Variants in EEF1A1 observed in about 807,000 individuals in gnomAD.
The protein encoded by EEF1A1 is eukaryotic translation elongation factor 1 alpha 1, also known as elongation factor 1-alpha 1.
Under a neutral mutation model 38.5 loss-of-function variants are expected in EEF1A1, and 1 was observed. The observed-to-expected ratio is 0.03, with a 90% CI of 0.01 to 0.12. The LOEUF (loss-of-function observed/expected upper bound fraction) is 0.12. Ranked by LOEUF, EEF1A1 falls within the 10% of genes least tolerant of loss-of-function variation. The pLI is 1.00. For missense variants in EEF1A1, 184 were observed against 588.3 expected, an observed-to-expected ratio of 0.31 and a Z score of 7.11; for synonymous variants, 229 against 203.7, an observed-to-expected ratio of 1.12 and a Z score of -1.06.
At position 73,518,825 on chromosome 6, in the gene EEF1A1, T is replaced by C. The variant is rs1245178513; in HGVS notation, c.645A>G (p.Lys215=). ...TGGCATTGCCATCCTTACGGGTGAC[T>C]TTCCATCCCTTGAACCAAGGCATCT... ...SANMPWFKGW[K]VTRKDGNASG... The change falls in exon 5 of 8, where the codon AAA becomes AAG. Residue 215 remains lysine (K), a synonymous_variant. Coordinates refer to ENST00000309268, the MANE Select transcript of EEF1A1 (RefSeq NM_001402.6). 15 of 1,613,886 alleles carry C rather than the reference T, an allele frequency of 9.3e-6. No homozygotes were observed. The highest frequency in any genetic ancestry group is 1.2e-5 in the Non-Finnish European group (14 of 1,179,890).
intron 2 of EEF1A1, 39 bp from the exon 3 acceptor site, chr6:73,519,555 C>A (rs1472135631): frequency 2.0e-5 from 31 of 1,545,504 alleles, no homozygotes; most frequent in African/African-American, 2.7e-5. Flanking sequence ...TACTAAAACA[C>A]AAACTCCAGC....
At position 73,518,483 on chromosome 6, in the gene EEF1A1, A is replaced by G; in HGVS notation, c.900T>C (p.Ser300=). 6.2e-7 allele frequency: 1 copy of G among 1,613,830 alleles called. No homozygotes were observed. Among genetic ancestry groups the G allele is most frequent in the Non-Finnish European group, 8.5e-7 (1 of 1,179,782 alleles). The change falls in exon 6 of 8, where the codon AGT becomes AGC. Residue 300 remains serine, a synonymous_variant. Coordinates refer to ENST00000309268, the MANE Select transcript of EEF1A1 (RefSeq NM_001402.6). Reference sequence around the variant, plus strand: ...CCACATTGTCCCCAGGAAGAGCTTCACTCAAAGCTTCATGGTGCATTTCGA... The same window carrying G: ...CCACATTGTCCCCAGGAAGAGCTTCGCTCAAAGCTTCATGGTGCATTTCGA... ...KSVEMHHEAL[S]EALPGDNVGF...
At chr6:73,518,895 CCA>C in intron 4 of EEF1A1, 35 bp downstream of exon 4, 1 of 1,610,996 alleles carries the variant, frequency 6.2e-7, no homozygotes, top group Admixed American at 1.7e-5. Flanking sequence ...ATCGCCATTC[CCA>C]GAGCTTTTTA....
In EEF1A1 at chr6:73,518,921, A is replaced by G. The variant is rs1287424196; in HGVS notation, c.621+11T>C. The G allele has an allele frequency of 6.2e-7, 1 of 1,611,662 alleles. No homozygotes were observed. The highest frequency in any genetic ancestry group is 1.3e-5 in the African/African-American group (1 of 74,874). On this transcript the variant is annotated intron_variant, in intron 4 of 7. Coordinates refer to ENST00000309268, the MANE Select transcript of EEF1A1 (RefSeq NM_001402.6). ...CAGAGCTTTTTAACAATGGTCTTGA[A>G]AGCCACTTACGTTAGCACTTGGCTC... is the stretch of plus-strand genomic sequence containing the variant.
intron 2 of EEF1A1, among the ~76,000 whole-genome samples, 167 bp from the exon 3 acceptor site, chr6:73,519,683 G>A (rs1477755414): frequency 6.6e-6 from 1 of 152,132 alleles, no homozygotes; most frequent in African/African-American, 2.4e-5. Flanking sequence ...TTTATAAGTC[G>A]GATCTTAACT....
Position 73,518,395 on chromosome 6 carries a change from T to C in EEF1A1, c.988A>G (p.Lys330Glu). ...VRRGNVAGDS[K>E]NDPPMEAAGF... ...GCTGCTTCCATTGGTGGGTCATTTT[T>C]GCTGTCACCAGCAACGTTGCCACGA... Residue 330 changes from lysine to glutamate, a missense_variant, in exon 6 of 8, where the codon AAA becomes GAA. This residue lies in a region of EEF1A1 where 81 missense variants were observed against 286.3 expected (regional missense o/e 0.28). Coordinates refer to ENST00000309268, the MANE Select transcript of EEF1A1 (RefSeq NM_001402.6). 6.2e-7 allele frequency: 1 copy of C among 1,613,734 alleles called. No homozygotes were observed. Among genetic ancestry groups the C allele is most frequent in the Non-Finnish European group, 8.5e-7 (1 of 1,180,004 alleles).
In EEF1A1 at chr6:73,520,043, A is replaced by G. The variant is rs1561963553; in HGVS notation, c.-17T>C. The G allele has an allele frequency of 1.3e-6, 2 of 1,587,250 alleles. No individual in the cohort carries two copies. The highest frequency in any genetic ancestry group is 1.7e-6 in the Non-Finnish European group (2 of 1,176,448). The stretch of plus-strand genomic sequence containing the variant: ...CTTTCCCATTTTGGCTTTTAGGGGT[A>G]GTTTTCACGACACCTGAAATGGAAG... On this transcript the variant is annotated 5_prime_UTR_variant, in exon 2 of 8. Coordinates refer to ENST00000309268, the MANE Select transcript of EEF1A1 (RefSeq NM_001402.6).
chr6:73,517,571 G>A lies in EEF1A1; in HGVS notation c.*239C>T, dbSNP rs1765551077. On this transcript the variant is annotated 3_prime_UTR_variant, in exon 8 of 8. Transcript: ENST00000309268. ...AATTCTGTGACAAATTTTTGGTCAAGTTGTTTCCATTAAAAAGTACTGATT... is the reference window on the plus strand; with the variant it reads ...AATTCTGTGACAAATTTTTGGTCAAATTGTTTCCATTAAAAAGTACTGATT... 2 of 400,448 alleles carry A rather than the reference G, an allele frequency of 5.0e-6. No individual in the cohort carries two copies. The highest frequency in any genetic ancestry group is 8.9e-6 in the Non-Finnish European group (2 of 225,874). The allele number at this position is 400,448 out of a possible 1,614,324, so 24.8% of individuals were successfully genotyped here.
chr6:73,518,513 T>C lies in EEF1A1; in HGVS notation c.870A>G (p.Lys290=). ...AAGCTTCATGGTGCATTTCGACAGATTTTACTTCCGTTGTAACGTTGACTG... is the reference window on the plus strand; with the variant it reads ...AAGCTTCATGGTGCATTTCGACAGACTTTACTTCCGTTGTAACGTTGACTG... ...FAPVNVTTEV[K]SVEMHHEALS... is the part of the protein sequence containing the mutation. Residue 290 remains lysine (K), a synonymous_variant, in exon 6 of 8, where the codon AAA becomes AAG. Transcript: ENST00000309268. 2 of 1,613,860 alleles carry C rather than the reference T, an allele frequency of 1.2e-6. No homozygotes were observed. Among genetic ancestry groups the C allele is most frequent in the Non-Finnish European group, 1.7e-6 (2 of 1,179,850 alleles).
rs1561963411 is a variant in EEF1A1, at chr6:73,519,778, T to C, written c.144+105A>G. On this transcript the variant is annotated intron_variant, in intron 2 of 7. Coordinates refer to ENST00000309268, the MANE Select transcript of EEF1A1 (RefSeq NM_001402.6). ...ATTTCATAAGTAAGGTCTTAACTAT[T>C]AGCATTCAGATCTAAACCACTCACT... The C allele has an allele frequency of 3.3e-6, 5 of 1,496,346 alleles. No homozygotes were observed. In the African/African-American group the frequency reaches 7.0e-5, roughly 21 times the overall value. 92.7% of individuals were successfully genotyped at this position (1,496,346 alleles called of 1,614,324 possible).
Position 73,518,732 on chromosome 6 carries a change from C to T in EEF1A1, c.738G>A (p.Leu246=), listed in dbSNP as rs1254198548. 2.5e-6 allele frequency: 4 copies of T among 1,614,080 alleles called. No individual in the cohort carries two copies. Among genetic ancestry groups the T allele is most frequent in the Non-Finnish European group, 3.4e-6 (4 of 1,180,042 alleles). ...LPPTRPTDKP[L]RLPLQDVYKI... is the part of the protein sequence containing the mutation. ...TGTAGACATCCTGGAGAGGCAGGCG[C>T]AAGGGCTTGTCAGTTGGACGAGTTG... The change falls in exon 5 of 8, where the codon TTG becomes TTA. Residue 246 remains leucine, a synonymous_variant. Transcript: ENST00000309268.
intron 2 of EEF1A1, 132 bp downstream of exon 2, chr6:73,519,751 T>C (rs2150051955): frequency 7.2e-7 from 1 of 1,396,686 alleles, no homozygotes; most frequent in Non-Finnish European, 9.6e-7. Context: ...AAAAGCAAAA[T>C]TATTTCATAA....
At chr6:73,519,258 C>A in intron 3 of EEF1A1, 30 bp from the exon 4 acceptor site, 2 of 1,606,390 alleles carry the variant, frequency 1.2e-6, no homozygotes, top group South Asian at 1.1e-5. Context: ...ATATCCCTGT[C>A]AACTCTCCAA....
In EEF1A1 at chr6:73,516,005, CATCT is replaced by C. The variant is rs1284912890; in HGVS notation, c.*1801_*1804del. The C allele has an allele frequency of 6.6e-6, 1 of 152,152 alleles. No homozygotes were observed. The highest frequency in any genetic ancestry group is 2.4e-5 in the African/African-American group (1 of 41,412). 9.4% of individuals were successfully genotyped at this position (152,152 alleles called of 1,614,324 possible). A position where few individuals can be genotyped will look rare whatever the true frequency, so the allele number is the denominator to read the frequency against. ...TTTCATTATCAGGGCATCTATTGGC[CATCT>C]ATTAAAGGCCTTACCTGTTTTTTCT... On this transcript the variant is annotated 3_prime_UTR_variant, in exon 8 of 8. Transcript: ENST00000309268.
Position 73,516,967 on chromosome 6 carries a change from T to C in EEF1A1, c.*843A>G, listed in dbSNP as rs901619474. The C allele has an allele frequency of 1.3e-5, 2 of 152,244 alleles. No individual in the cohort carries two copies. The highest frequency in any genetic ancestry group is 4.8e-5 in the African/African-American group (2 of 41,470). 9.4% of individuals were successfully genotyped at this position (152,244 alleles called of 1,614,324 possible). ...TATAGCTACTTCAAATTGCCATCTT[T>C]TTCTATTAGAACCTTGTTCCTATTC... On this transcript the variant is annotated 3_prime_UTR_variant, in exon 8 of 8. Transcript: ENST00000309268.
chr6:73,521,007 C>G lies in EEF1A1; in HGVS notation c.-38G>C, dbSNP rs997736746. On this transcript the variant is annotated 5_prime_UTR_variant, in exon 1 of 8. Transcript: ENST00000309268. ...ACCACACACGGCACTTACCTGTGTTCTGGCGGCAAACCCGTTGCGAAAAAG... is the reference window on the plus strand; with the variant it reads ...ACCACACACGGCACTTACCTGTGTTGTGGCGGCAAACCCGTTGCGAAAAAG... 1.3e-5 allele frequency: 2 copies of G among 153,292 alleles called. No individual in the cohort carries two copies. The highest frequency in any genetic ancestry group is 1.5e-5 in the Non-Finnish European group (1 of 68,574). 9.5% of individuals were successfully genotyped at this position (153,292 alleles called of 1,614,324 possible).
chr6:73,520,746 AAGC>A (rs1346688041), intron 1 of EEF1A1: 1 of 152,314 alleles, frequency 6.6e-6, no homozygotes, highest in Non-Finnish European at 1.5e-5. Context: ...GACTTATCGA[AAGC>A]AGCGAGACAG....
chr6:73,518,932 G>A lies in EEF1A1; in HGVS notation c.621C>T (p.Asn207=), dbSNP rs370295050. The A allele has an allele frequency of 1.9e-5, 31 of 1,612,056 alleles. No individual in the cohort carries two copies. Among genetic ancestry groups the A allele is most frequent in the Admixed American group, 1.2e-4 (7 of 59,962 alleles). ...AACAATGGTCTTGAAAGCCACTTACGTTAGCACTTGGCTCCAGCATGTTGT... is the reference window on the plus strand; with the variant it reads ...AACAATGGTCTTGAAAGCCACTTACATTAGCACTTGGCTCCAGCATGTTGT... ...NGDNMLEPSA[N]MPWFKGWKVT... The change falls in exon 4 of 8, where the codon AAC becomes AAT. Residue 207 remains asparagine, a splice_region_variant and synonymous_variant. Transcript: ENST00000309268.
chr6:73,520,096 C>A, intron 1 of EEF1A1, 40 bp from the exon 2 acceptor site: 1 of 1,537,578 alleles, frequency 6.5e-7, no homozygotes, highest in Non-Finnish European at 8.7e-7. Flanking sequence ...CTGTCTGAGG[C>A]TTGAGAATGA....
Sources: gnomAD v4.1 joint callset for allele counts (sites outside exome capture counted in the v4.1 genomes callset) on GRCh38, gnomAD v4.1.1 for gene constraint, gnomAD v4.1.1 regional missense constraint, MANE v1.5 for transcripts, NCBI Gene and HGNC (gene_info 2026-07-23, HGNC 2026-07-21) for gene names.